PGK1: variants seen among roughly 807,000 people sequenced by gnomAD.
PGK1 encodes phosphoglycerate kinase 1.
PGK1 carries 3 observed loss-of-function variants against 26.9 expected under a neutral mutation model. The ratio of observed to expected loss-of-function variants is 0.11; its 90% CI spans 0.05 to 0.29. The LOEUF (loss-of-function observed/expected upper bound fraction) is 0.29, where lower values mean the gene tolerates loss of function less well. PGK1 is among the 10% of genes least tolerant of loss of function. The pLI is 1.00. For synonymous variants in PGK1, 125 were observed against 115.3 expected (o/e 1.08, Z -0.54); for missense variants, 270 against 314.7 (o/e 0.86, Z 1.07).
At chrX:78,109,780 A>T in intron 1 of PGK1, 87 bp from the exon 2 acceptor site, 1 of 643,830 alleles carries the variant, frequency 1.6e-6, no homozygotes, top group Non-Finnish European at 2.6e-6. Context: ...TGAATTTCTG[A>T]CTTATTTAAC....
chrX:78,124,844 C>T, intron 8 of PGK1, 30 bp from the exon 9 acceptor site: 1 of 1,177,254 alleles, frequency 8.5e-7, no homozygotes, highest in Non-Finnish European at 1.2e-6. Flanking sequence ...TTCTTGATAG[C>T]TCATCTTCTC....
intron 1 of PGK1, among the ~76,000 whole-genome samples, chrX:78,109,445 G>C (rs1157365602): frequency 9.0e-6 from 1 of 111,038 alleles, no homozygotes; most frequent in Non-Finnish European, 1.9e-5. Context: ...GGATACTATT[G>C]TGCCAGGCCC....
intron 4 of PGK1, 23 bp downstream of exon 4, chrX:78,114,183 T>G (rs2078315234): frequency 8.4e-7 from 1 of 1,195,074 alleles, no homozygotes; most frequent in African/African-American, 1.8e-5. Flanking sequence ...ATTTTGACAT[T>G]ATTGGGGGTG....
chrX:78,113,980 T>A, intron 3 of PGK1, 36 bp from the exon 4 acceptor site: 1 of 1,209,389 alleles, frequency 8.3e-7, no homozygotes, highest in Non-Finnish European at 1.1e-6. Flanking sequence ...TTAACTTTCA[T>A]ACTGCTCAAG....
At chrX:78,117,197 G>A (rs1569550838) in intron 4 of PGK1, 115 bp from the exon 5 acceptor site, 1 of 542,702 alleles carries the variant, frequency 1.8e-6, no homozygotes, top group Non-Finnish European at 3.3e-6. Context: ...GTAAAAAATC[G>A]CTGTCCCACC....
At position 78,105,029 on chromosome X, in the gene PGK1, T is replaced by C. The variant is rs17313023; in HGVS notation, c.65+624T>C. On this transcript the variant is annotated intron_variant, in intron 1 of 10. Coordinates refer to ENST00000373316, the MANE Select transcript of PGK1 (RefSeq NM_000291.4). ...CCTGCAGCGCGGTATCGTTGGACTC[T>C]TGGGCACAGGATTTGCATCAGGATT... Among the ~76,000 whole-genome samples the C allele has an allele frequency of 0.011, 1,286 of 112,515 alleles. 61 individuals are homozygous for C. The East Asian group carries it at 0.2, about 18-fold the overall frequency.
At chrX:78,105,216 T>A (rs2078265753) in intron 1 of PGK1, among the ~76,000 whole-genome samples, 1 of 112,245 alleles carries the variant, frequency 8.9e-6, no homozygotes, top group East Asian at 2.8e-4. Flanking sequence ...TCTAGTCACT[T>A]GCCAACACGG....
chrX:78,122,409 TTGTGTGTGTGTGTGTG>T (rs201442984), intron 6 of PGK1, among the ~76,000 whole-genome samples: 23 of 88,949 alleles, frequency 2.6e-4, no homozygotes, highest in East Asian at 3.4e-4. Flanking sequence ...TGCTCTGAAT[TTGTGTGTGTGTGTGTG>T]TGTGTGTGTG....
At chrX:78,112,474 T>A (rs1387214954) in intron 2 of PGK1, among the ~76,000 whole-genome samples, 1 of 112,156 alleles carries the variant, frequency 8.9e-6, no homozygotes, top group Non-Finnish European at 1.9e-5. Context: ...GGGAGTTAAT[T>A]TTTTGATTAA....
intron 1 of PGK1, chrX:78,106,760 C>T: frequency 4.2e-6 from 1 of 237,937 alleles, no homozygotes; most frequent in South Asian, 2.0e-4. Flanking sequence ...TTTACAGCCT[C>T]TTTGAATACA....
In PGK1 at chrX:78,118,135, G is replaced by A. The variant is rs968068407; in HGVS notation, c.606G>A (p.Glu202=). The change falls in exon 6 of 11, where the codon GAG becomes GAA. Residue 202 remains glutamate, a synonymous_variant. Transcript: ENST00000373316. ...KELNYFAKAL[E]SPERPFLAIL... Reference sequence around the variant, plus strand: ...TGAACTACTTTGCAAAGGCCTTGGAGAGCCCAGAGCGACCCTTCCTGGCCA... The same window carrying A: ...TGAACTACTTTGCAAAGGCCTTGGAAAGCCCAGAGCGACCCTTCCTGGCCA... The A allele has an allele frequency of 9.1e-6, 11 of 1,208,310 alleles. No homozygotes were observed. The highest frequency in any genetic ancestry group is 1.2e-5 in the Non-Finnish European group (11 of 894,017).
At chrX:78,107,942 C>T (rs1569550748) in intron 1 of PGK1, among the ~76,000 whole-genome samples, 1 of 100,080 alleles carries the variant, frequency 1.0e-5, no homozygotes, top group East Asian at 3.0e-4. Context: ...AAGCAAAGCT[C>T]AGGGGTGTTA....
chrX:78,112,836 C>T (rs183988546), intron 2 of PGK1, among the ~76,000 whole-genome samples: 43 of 112,169 alleles, frequency 3.8e-4, no homozygotes, highest in African/African-American at 1.1e-3. Flanking sequence ...AATCCATGGG[C>T]TTCCAGTTTC....
intron 9 of PGK1, 31 bp from the exon 10 acceptor site, chrX:78,125,292 CTCTT>C: frequency 3.7e-6 from 4 of 1,077,876 alleles, no homozygotes; most frequent in Non-Finnish European, 5.2e-6. Flanking sequence ...TTTCTTTTCT[CTCTT>C]TTCCCTTTTT....
chrX:78,108,011 G>A (rs1712363043), intron 1 of PGK1, among the ~76,000 whole-genome samples: 1 of 110,662 alleles, frequency 9.0e-6, no homozygotes, highest in African/African-American at 3.3e-5. Context: ...AATGGAACAA[G>A]TAGAATCTGT....
intron 1 of PGK1, among the ~76,000 whole-genome samples, chrX:78,105,784 G>C (rs1258419128): frequency 9.0e-6 from 1 of 111,712 alleles, no homozygotes; most frequent in Non-Finnish European, 1.9e-5. Flanking sequence ...TTCCCCAAAT[G>C]ACATAGGCCT....
Position 78,104,254 on chromosome X carries a change from C to T in PGK1, c.-87C>T, listed in dbSNP as rs1197391011. On this transcript the variant is annotated 5_prime_UTR_variant, in exon 1 of 11. Transcript: ENST00000373316. ...CTGTTCCTGCCCGCGCGGTGTTCCG[C>T]ATTCTGCAAGCCTCCGGAGCGCACG... is the stretch of plus-strand genomic sequence containing the variant. The T allele has an allele frequency of 3.2e-5, 23 of 708,420 alleles. No homozygotes were observed. The East Asian group carries it at 5.2e-4, about 16-fold the overall frequency. The allele number at this position is 708,420 out of a possible 1,213,427, so 58.4% of individuals were successfully genotyped here.
intron 5 of PGK1, among the ~76,000 whole-genome samples, chrX:78,117,779 GTGATT>G (rs2078333988): frequency 8.9e-6 from 1 of 112,930 alleles, no homozygotes; most frequent in South Asian, 3.5e-4. Context: ...ATTACTTACT[GTGATT>G]TGCCCTTTGG....
chrX:78,116,214 A>G (rs2078326057), intron 4 of PGK1, among the ~76,000 whole-genome samples: 3 of 111,099 alleles, frequency 2.7e-5, no homozygotes, highest in African/African-American at 9.8e-5. Flanking sequence ...TAGAAGGGAA[A>G]ATTTCAGAGC....
Sources: gnomAD v4.1 joint callset for allele counts (sites outside exome capture counted in the v4.1 genomes callset) on GRCh38, gnomAD v4.1.1 for gene constraint, MANE v1.5 for transcripts, NCBI Gene and HGNC (gene_info 2026-07-23, HGNC 2026-07-21) for gene names.